Variants in ARHGEF3 observed in about 807,000 individuals in gnomAD.
The protein encoded by ARHGEF3 is 59.8 kDA protein.
In ARHGEF3, 28 loss-of-function variants were observed where a neutral mutation model predicts 63.2. The ratio of observed to expected loss-of-function variants is 0.44; its 90% CI spans 0.33 to 0.61. ARHGEF3 has a LOEUF of 0.61. Ranked by LOEUF, ARHGEF3 falls within the 20% of genes least tolerant of loss-of-function variation. ARHGEF3 has a pLI of 0.03. For synonymous variants in ARHGEF3, 266 were observed against 254.2 expected (o/e 1.05, Z -0.44); for missense variants, 533 against 659.3 (o/e 0.81, Z 2.10).
At chr3:56,867,463 AT>A (rs988802557) in intron 4 of ARHGEF3, among the ~76,000 whole-genome samples, 3 of 147,332 alleles carry the variant, frequency 2.0e-5, no homozygotes, top group African/African-American at 5.4e-5. Flanking sequence ...AATGCTATTT[AT>A]TTATTTATTT....
At chr3:56,782,605 T>C (rs1013518324) in intron 1 of ARHGEF3, among the ~76,000 whole-genome samples, 1 of 150,784 alleles carries the variant, frequency 6.6e-6, no homozygotes, top group Non-Finnish European at 1.5e-5. Flanking sequence ...CTTTCCTCCA[T>C]ATTAAGATAA....
intron 4 of ARHGEF3, among the ~76,000 whole-genome samples, chr3:56,829,585 G>A (rs1370277719): frequency 6.6e-6 from 1 of 152,156 alleles, no homozygotes; most frequent in Non-Finnish European, 1.5e-5. Context: ...GCCTCCCGAA[G>A]AACATCTGCC....
chr3:56,848,023 C>T (rs1196597744), intron 4 of ARHGEF3, among the ~76,000 whole-genome samples: 1 of 152,122 alleles, frequency 6.6e-6, no homozygotes, highest in African/African-American at 2.4e-5. Context: ...ATCACGACTA[C>T]AATAAGCACC....
Position 56,727,685 on chromosome 3 carries a change from A to G in ARHGEF3, c.*1585T>C, listed in dbSNP as rs555932858. ...AGCAGGTTCACTTGCTGTATCAATA[A>G]CGACTTGAGAAAGCAGTTTTAAATA... On this transcript the variant is annotated 3_prime_UTR_variant, in exon 10 of 10. Coordinates refer to ENST00000296315, the MANE Select transcript of ARHGEF3 (RefSeq NM_019555.3). 4.5e-4 allele frequency: 69 copies of G among 152,710 alleles called. No individual in the cohort carries two copies. The highest frequency in any genetic ancestry group is 1.6e-3 in the African/African-American group (66 of 41,580). 9.5% of individuals were successfully genotyped at this position (152,710 alleles called of 1,614,324 possible). A position where few individuals can be genotyped will look rare whatever the true frequency, so the allele number is the denominator to read the frequency against.
At chr3:56,900,825 T>C (rs2041481160) in intron 3 of ARHGEF3, among the ~76,000 whole-genome samples, 1 of 152,222 alleles carries the variant, frequency 6.6e-6, no homozygotes, top group South Asian at 2.1e-4. Context: ...CTGGGAACTA[T>C]TATTACCTGG....
At chr3:57,001,518 A>G (rs944312232) in intron 2 of ARHGEF3, among the ~76,000 whole-genome samples, 1 of 152,204 alleles carries the variant, frequency 6.6e-6, no homozygotes, top group African/African-American at 2.4e-5. Flanking sequence ...CCAAGTTGCA[A>G]TTCAACATTC....
intron 3 of ARHGEF3, chr3:56,940,799 C>A (rs1331219164): frequency 6.6e-6 from 1 of 152,202 alleles, no homozygotes; most frequent in African/African-American, 2.4e-5. Flanking sequence ...CGCTTACCTA[C>A]ATGAGAGACA....
chr3:56,916,248 C>A (rs144670257), intron 3 of ARHGEF3: 58 of 1,517,872 alleles, frequency 3.8e-5, no homozygotes, highest in Non-Finnish European at 9.7e-6. Context: ...GGCACCACCC[C>A]ACCCGGCTCG....
At chr3:56,841,379 G>C (rs2039302252) in intron 4 of ARHGEF3, among the ~76,000 whole-genome samples, 1 of 152,098 alleles carries the variant, frequency 6.6e-6, no homozygotes, top group Admixed American at 6.6e-5. Context: ...GCTCCTGGTT[G>C]TTAGTCTTAC....
At chr3:57,012,900 A>G (rs1390175996) in intron 2 of ARHGEF3, among the ~76,000 whole-genome samples, 1 of 152,176 alleles carries the variant, frequency 6.6e-6, no homozygotes, top group Non-Finnish European at 1.5e-5. Context: ...CATGGGCAGG[A>G]ACCGGGGCTG....
Position 56,889,787 on chromosome 3 carries a change from C to T in ARHGEF3, c.130-7433G>A, listed in dbSNP as rs370552595. 5.3e-5 allele frequency among the ~76,000 whole-genome samples: 8 copies of T among 152,226 alleles called. No homozygotes were observed. The South Asian group carries it at 1.5e-3, about 28-fold the overall frequency. On this transcript the variant is annotated intron_variant, in intron 3 of 12. Coordinates refer to the ARHGEF3 transcript ENST00000338458. The stretch of plus-strand genomic sequence containing the variant: ...TTTAAATATTTGTTTCATGGCTGGG[C>T]GCAGTGGCTCATGCTTGTAATCCCA...
chr3:56,901,000 C>T (rs923741382), intron 3 of ARHGEF3, among the ~76,000 whole-genome samples: 4 of 152,038 alleles, frequency 2.6e-5, no homozygotes, highest in African/African-American at 9.7e-5. Flanking sequence ...ATTATGTGGC[C>T]AAAGAAGTTT....
rs971433076 is a variant in ARHGEF3 at position 56,889,878 on chromosome 3, A to G, written c.130-7524T>C. Among the ~76,000 whole-genome samples, 4 of 152,182 alleles carry G rather than the reference A, an allele frequency of 2.6e-5. No individual in the cohort carries two copies. The East Asian group carries it at 7.7e-4, about 29-fold the overall frequency. ...GGAGTTTGAGACCAGCCTGGCCAAC[A>G]TGGTGAAACCTCATCTCTACTAAAA... On this transcript the variant is annotated intron_variant, in intron 3 of 12. Transcript: ENST00000338458.
At position 56,729,140 on chromosome 3, in the gene ARHGEF3, G is replaced by A. The variant is rs1043056645; in HGVS notation, c.*130C>T. ...GTACTAGGGACAAAGGTACAGATACGAGAGACTGGGCCAACATGTATACTT... is the reference window on the plus strand; with the variant it reads ...GTACTAGGGACAAAGGTACAGATACAAGAGACTGGGCCAACATGTATACTT... On this transcript the variant is annotated 3_prime_UTR_variant, in exon 10 of 10. Coordinates refer to ENST00000296315, the MANE Select transcript of ARHGEF3 (RefSeq NM_019555.3). 8.0e-5 allele frequency: 61 copies of A among 766,928 alleles called. 1 individual carries two copies. In the South Asian group the frequency reaches 9.4e-4, roughly 12 times the overall value. The allele number at this position is 766,928 out of a possible 1,614,324, so 47.5% of individuals were successfully genotyped here.
chr3:56,879,224 C>T (rs1003555678), intron 4 of ARHGEF3, among the ~76,000 whole-genome samples: 1 of 152,212 alleles, frequency 6.6e-6, no homozygotes. Flanking sequence ...CCCTACCCCA[C>T]CCGGTCAGTG....
At chr3:56,951,828 A>T (rs2106692461) in intron 3 of ARHGEF3, among the ~76,000 whole-genome samples, 1 of 152,094 alleles carries the variant, frequency 6.6e-6, no homozygotes, top group Non-Finnish European at 1.5e-5. Context: ...ATAATTTCAT[A>T]CAAAAGAAAA....
At chr3:56,732,042 T>C (rs2033202111) in intron 9 of ARHGEF3, 196 bp downstream of exon 9, 3 of 644,924 alleles carry the variant, frequency 4.7e-6, no homozygotes, top group Non-Finnish European at 8.0e-6. Context: ...GAGGTACCTA[T>C]GCATTTCCAT....
intron 2 of ARHGEF3, among the ~76,000 whole-genome samples, chr3:56,990,849 G>A (rs1399538442): frequency 6.6e-6 from 1 of 152,160 alleles, no homozygotes; most frequent in Non-Finnish European, 1.5e-5. Flanking sequence ...CTATCTGTGA[G>A]GCTCTCTGCC....
chr3:56,747,334 C>T (rs1376859533), intron 6 of ARHGEF3, among the ~76,000 whole-genome samples: 1 of 152,240 alleles, frequency 6.6e-6, no homozygotes, highest in Non-Finnish European at 1.5e-5. Flanking sequence ...TCCTGCTGCC[C>T]TGCTACCATG....
Sources: gnomAD v4.1 joint callset for allele counts (sites outside exome capture counted in the v4.1 genomes callset) on GRCh38, gnomAD v4.1.1 for gene constraint, MANE v1.5 for transcripts, NCBI Gene and HGNC (gene_info 2026-07-23, HGNC 2026-07-21) for gene names.